Variants in DPYD observed in about 807,000 individuals in gnomAD.
DPYD encodes the protein dihydropyrimidine dehydrogenase.
A neutral mutation model predicts 116.2 loss-of-function variants in DPYD; 109 were observed. The ratio of observed to expected loss-of-function variants is 0.94; its 90% CI spans 0.80 to 1.10. The LOEUF (loss-of-function observed/expected upper bound fraction) is 1.10. Ranked by LOEUF, DPYD falls within the 50% of genes least tolerant of loss-of-function variation. The pLI, the probability that DPYD is intolerant of heterozygous loss-of-function variation, is 0.00. For missense variants in DPYD, 1,302 were observed against 1,254.5 expected (o/e 1.04, Z -0.57); for synonymous variants, 440 against 432.0 (o/e 1.02, Z -0.23).
intron 8 of DPYD, among the ~76,000 whole-genome samples, chr1:97,612,951 T>A (rs902603644): frequency 2.0e-5 from 3 of 152,048 alleles, no homozygotes; most frequent in African/African-American, 7.2e-5. Flanking sequence ...TGAAATTTTC[T>A]TACTGATTAT....
At chr1:97,516,331 A>C (rs1326367262) in intron 12 of DPYD, among the ~76,000 whole-genome samples, 1 of 152,026 alleles carries the variant, frequency 6.6e-6, no homozygotes, top group Non-Finnish European at 1.5e-5. Context: ...AGGAGGCCTA[A>C]ATTCAATTTC....
intron 20 of DPYD, among the ~76,000 whole-genome samples, chr1:97,182,651 G>C (rs1381931563): frequency 6.6e-6 from 1 of 152,076 alleles, no homozygotes; most frequent in Non-Finnish European, 1.5e-5. Context: ...AGATAACATG[G>C]ACAAGAAGTA....
intron 5 of DPYD, among the ~76,000 whole-genome samples, chr1:97,714,848 G>A (rs1662521055): frequency 6.6e-6 from 1 of 152,034 alleles, no homozygotes; most frequent in African/African-American, 2.4e-5. Flanking sequence ...TACATTGAGC[G>A]CCTCTGTCTT....
chr1:97,775,870 C>G (rs1320225173), intron 3 of DPYD, among the ~76,000 whole-genome samples: 1 of 152,148 alleles, frequency 6.6e-6, no homozygotes, highest in Non-Finnish European at 1.5e-5. Flanking sequence ...GAGTTTGTCT[C>G]ACATTACTGT....
At chr1:97,621,302 G>T (rs1656617910) in intron 8 of DPYD, among the ~76,000 whole-genome samples, 1 of 152,066 alleles carries the variant, frequency 6.6e-6, no homozygotes, top group Non-Finnish European at 1.5e-5. Flanking sequence ...ACTGATAGTA[G>T]ATTATGGGAG....
chr1:97,772,072 C>T (rs376464357), intron 3 of DPYD, among the ~76,000 whole-genome samples: 1 of 151,916 alleles, frequency 6.6e-6, no homozygotes, highest in Non-Finnish European at 1.5e-5. Flanking sequence ...TTATCAAAGT[C>T]CTCTCACTTT....
chr1:97,477,873 G>C (rs575012237), intron 13 of DPYD, among the ~76,000 whole-genome samples: 1 of 152,058 alleles, frequency 6.6e-6, no homozygotes, highest in African/African-American at 2.4e-5. Flanking sequence ...ACCCGCCTCG[G>C]CCTCCCAAAG....
At chr1:97,347,518 GT>G (rs1218903029) in intron 16 of DPYD, among the ~76,000 whole-genome samples, 1 of 151,888 alleles carries the variant, frequency 6.6e-6, no homozygotes, top group Non-Finnish European at 1.5e-5. Flanking sequence ...CTTTTAATAT[GT>G]TGCTGGATTC....
At chr1:97,722,931 T>C (rs540806878) in intron 4 of DPYD, among the ~76,000 whole-genome samples, 1 of 151,270 alleles carries the variant, frequency 6.6e-6, no homozygotes, top group Admixed American at 6.6e-5. Flanking sequence ...AAGAAAACAA[T>C]AAATAAAATA....
intron 2 of DPYD, among the ~76,000 whole-genome samples, chr1:97,849,434 A>G (rs767396881): frequency 2.8e-4 from 43 of 152,266 alleles, no homozygotes; most frequent in South Asian, 6.2e-4. Flanking sequence ...TGTTCTAAGC[A>G]AGTGCTTTAT....
chr1:97,862,382 G>C (rs1390392599), intron 2 of DPYD, among the ~76,000 whole-genome samples: 1 of 151,720 alleles, frequency 6.6e-6, no homozygotes, highest in Non-Finnish European at 1.5e-5. Context: ...GACACAAGCT[G>C]AGAAATCCAA....
chr1:97,828,238 G>T, intron 2 of DPYD, 42 bp from the exon 3 acceptor site: 1 of 1,583,206 alleles, frequency 6.3e-7, no homozygotes. Context: ...CTAAGATCCT[G>T]AGAAAAATTG....
intron 5 of DPYD, among the ~76,000 whole-genome samples, chr1:97,711,505 C>CA (rs1662282690): frequency 1.3e-5 from 2 of 151,978 alleles, no homozygotes; most frequent in South Asian, 2.1e-4. Flanking sequence ...ATTTTAAAGT[C>CA]AAAAAATCCT....
chr1:97,353,480 C>A (rs1394573109), intron 16 of DPYD, among the ~76,000 whole-genome samples: 1 of 152,248 alleles, frequency 6.6e-6, no homozygotes, highest in African/African-American at 2.4e-5. Flanking sequence ...TAATAAACTT[C>A]TGTCCAGAGC....
At chr1:97,154,703 T>C (rs906799372) in intron 20 of DPYD, among the ~76,000 whole-genome samples, 2 of 85,524 alleles carry the variant, frequency 2.3e-5, no homozygotes, top group African/African-American at 1.1e-4. Flanking sequence ...TGAGACTCCA[T>C]CTCAAAAAAA....
chr1:97,724,514 T>C (rs1176818137), intron 4 of DPYD, among the ~76,000 whole-genome samples: 2 of 151,512 alleles, frequency 1.3e-5, no homozygotes, highest in East Asian at 3.9e-4. Flanking sequence ...TAAGTTTTAG[T>C]TTTAGTTCTA....
chr1:97,342,171 A>G (rs548040484), intron 16 of DPYD, among the ~76,000 whole-genome samples: 2 of 152,308 alleles, frequency 1.3e-5, no homozygotes, highest in South Asian at 4.1e-4. Context: ...AGTGTGAAAA[A>G]TTGTCATATA....
At chr1:97,129,658 CTTAGTCAGTCTCTT>C (rs1207499706) in intron 20 of DPYD, among the ~76,000 whole-genome samples, 7 of 152,218 alleles carry the variant, frequency 4.6e-5, no homozygotes, top group Admixed American at 2.0e-4. Flanking sequence ...CCAATAGTTT[CTTAGTCAGTCTCTT>C]TTAATGCTAG....
At chr1:97,193,776 G>C (rs1658555196) in intron 19 of DPYD, among the ~76,000 whole-genome samples, 1 of 109,946 alleles carries the variant, frequency 9.1e-6, no homozygotes, top group African/African-American at 4.3e-5. Context: ...CAGTTACCCA[G>C]GTCTTTCCTT....
Sources: gnomAD v4.1 joint callset for allele counts (sites outside exome capture counted in the v4.1 genomes callset) on GRCh38, gnomAD v4.1.1 for gene constraint, MANE v1.5 for transcripts, NCBI Gene and HGNC (gene_info 2026-07-23, HGNC 2026-07-21) for gene names.